The following SLC16A14 variants were observed in gnomAD, a reference collection of about 807,000 sequenced individuals.
SLC16A14 encodes the protein solute carrier family 16 member 14.
SLC16A14 carries 14 observed loss-of-function variants against 35.8 expected under a neutral mutation model. The observed-to-expected ratio is 0.39, with a 90% confidence interval of 0.26 to 0.61. The LOEUF is 0.61. SLC16A14 is among the 20% of genes least tolerant of loss of function. The probability of loss-of-function intolerance (pLI) is 0.51; values close to 1 mark genes in which losing one functional copy is unlikely to be tolerated. For synonymous variants in SLC16A14, 248 were observed against 258.9 expected (o/e 0.96, Z 0.40); for missense variants, 533 against 655.0 (o/e 0.81, Z 2.03).
intron 4 of SLC16A14, among the ~76,000 whole-genome samples, chr2:230,042,504 A>C (rs546179038): frequency 2.6e-5 from 4 of 152,306 alleles, no homozygotes; most frequent in Admixed American, 2.0e-4. Flanking sequence ...AAGACAAAAC[A>C]ACCCAAGCCT....
At chr2:230,063,636 A>G (rs2077768863) in intron 1 of SLC16A14, among the ~76,000 whole-genome samples, 1 of 152,226 alleles carries the variant, frequency 6.6e-6, no homozygotes, top group Non-Finnish European at 1.5e-5. Context: ...AGAGCCCTAG[A>G]CAGCTTTATT....
rs140668369 is a variant in SLC16A14 at position 230,049,865 on chromosome 2, C to T, written c.299G>A (p.Arg100His). The change falls in exon 3 of 5, where the codon CGC (arginine) becomes CAC (histidine). Residue 100 changes from arginine to histidine, a missense_variant. Coordinates refer to ENST00000295190, the MANE Select transcript of SLC16A14 (RefSeq NM_152527.5). Reference protein sequence around the residue: ...IGLFINTCGCRQTAIIGGLVN... With the variant: ...IGLFINTCGCHQTAIIGGLVN... ...GAGCCCTCCAATGATCGCAGTCTGGCGGCACCCACAGGTGTTAATGAACAA... is the reference window on the plus strand; with the variant it reads ...GAGCCCTCCAATGATCGCAGTCTGGTGGCACCCACAGGTGTTAATGAACAA... 26 of 1,613,964 alleles carry T rather than the reference C, an allele frequency of 1.6e-5. No individual in the cohort carries two copies. Among genetic ancestry groups the T allele is most frequent in the African/African-American group, 2.7e-5 (2 of 74,910 alleles).
chr2:230,061,668 G>T (rs181244584), intron 1 of SLC16A14, among the ~76,000 whole-genome samples: 22 of 152,198 alleles, frequency 1.4e-4, no homozygotes, highest in African/African-American at 5.1e-4. Flanking sequence ...TGAAGACTGC[G>T]AGGTACAAAA....
chr2:230,048,530 C>T (rs1338644852), intron 3 of SLC16A14, among the ~76,000 whole-genome samples: 2 of 152,218 alleles, frequency 1.3e-5, no homozygotes, highest in East Asian at 3.8e-4. Flanking sequence ...AACCTGTTCA[C>T]TGGGAATGAC....
At chr2:230,060,235 G>T (rs939531978) in intron 1 of SLC16A14, among the ~76,000 whole-genome samples, 1 of 152,172 alleles carries the variant, frequency 6.6e-6, no homozygotes, top group Non-Finnish European at 1.5e-5. Context: ...TGTACATAAT[G>T]AACAGCCATT....
rs756430391 is a variant in SLC16A14, at chr2:230,037,422, T to C, written c.1491A>G (p.Ile497Met). The change falls in exon 5 of 5, where the codon ATA becomes ATG. Residue 497 changes from isoleucine (I) to methionine (M), a missense_variant. By Grantham distance (10) the Ile-to-Met change is conservative (BLOSUM62 1). Coordinates refer to ENST00000295190, the MANE Select transcript of SLC16A14 (RefSeq NM_152527.5). ...CCATGTATTTTCTTCTGGATTGTTCTATAATTCGAATGCACGGCTGAATAA... is the reference window on the plus strand; with the variant it reads ...CCATGTATTTTCTTCTGGATTGTTCCATAATTCGAATGCACGGCTGAATAA... Reference protein sequence around the residue: ...FLLIQPCIRIIEQSRRKYMDG... With the variant: ...FLLIQPCIRIMEQSRRKYMDG... 2.5e-6 allele frequency: 4 copies of C among 1,612,786 alleles called. No individual in the cohort carries two copies. Among genetic ancestry groups the C allele is most frequent in the Non-Finnish European group, 3.4e-6 (4 of 1,179,722 alleles).
rs1304318852 is a variant in SLC16A14, at chr2:230,059,287, C to T, written c.66G>A (p.Leu22=). ...FEDGPKDKKT[L]KPHPNIDGGW... ...CGCCATCAATGTTTGGGTGGGGCTT[C>T]AGTGTCTTTTTGTCTTTGGGGCCAT... Residue 22 remains leucine, a synonymous_variant, in exon 2 of 5, where the codon CTG becomes CTA. Transcript: ENST00000295190. 1 of 1,613,674 alleles carries T rather than the reference C, an allele frequency of 6.2e-7. No individual in the cohort carries two copies. Among genetic ancestry groups the T allele is most frequent in the South Asian group, 1.1e-5 (1 of 91,042 alleles).
chr2:230,062,841 T>G (rs1471867658), intron 1 of SLC16A14, among the ~76,000 whole-genome samples: 1 of 152,172 alleles, frequency 6.6e-6, no homozygotes, highest in Non-Finnish European at 1.5e-5. Context: ...ATTTTTACAT[T>G]TTAAATTATT....
rs1191731806 is a variant in SLC16A14, at chr2:230,036,491, A to T, written c.*889T>A. The stretch of plus-strand genomic sequence containing the variant: ...TGGAGATGATTTAACTATTAACTTT[A>T]TTTGTCAGTTAGCAATTAGTTCTAT... On this transcript the variant is annotated 3_prime_UTR_variant, in exon 5 of 5. Coordinates refer to ENST00000295190, the MANE Select transcript of SLC16A14 (RefSeq NM_152527.5). 6.6e-6 allele frequency: 1 copy of T among 152,208 alleles called. No individual in the cohort carries two copies. Among genetic ancestry groups the T allele is most frequent in the Non-Finnish European group, 1.5e-5 (1 of 68,032 alleles). The allele number at this position is 152,208 out of a possible 1,614,324, so 9.4% of individuals were successfully genotyped here.
chr2:230,048,349 T>C (rs966689587), intron 3 of SLC16A14, among the ~76,000 whole-genome samples: 1 of 152,254 alleles, frequency 6.6e-6, no homozygotes, highest in African/African-American at 2.4e-5. Flanking sequence ...GCATTCATTG[T>C]AGCTCTGTAC....
At chr2:230,044,035 C>T (rs1285015907) in intron 4 of SLC16A14, among the ~76,000 whole-genome samples, 1 of 152,190 alleles carries the variant, frequency 6.6e-6, no homozygotes, top group Non-Finnish European at 1.5e-5. Context: ...CCCAAAACAC[C>T]GAAGTCCTAA....
intron 2 of SLC16A14, among the ~76,000 whole-genome samples, chr2:230,057,562 A>G (rs553542061): frequency 2.4e-4 from 37 of 152,258 alleles, no homozygotes; most frequent in Admixed American, 5.2e-4. Flanking sequence ...TGAGGCCAGG[A>G]GTTCGAGACC....
At chr2:230,063,290 C>CAA (rs6147218) in intron 1 of SLC16A14, among the ~76,000 whole-genome samples, 41 of 100,592 alleles carry the variant, frequency 4.1e-4, no homozygotes, top group African/African-American at 1.4e-3. Flanking sequence ...AACTCTGTCT[C>CAA]AAAAAAAAAA....
rs1333134586 is a variant in SLC16A14 at position 230,062,949 on chromosome 2, C to A, written c.-14-3583G>T. On this transcript the variant is annotated intron_variant, in intron 1 of 4. Coordinates refer to ENST00000295190, the MANE Select transcript of SLC16A14 (RefSeq NM_152527.5). ...CTTCCTCCTTCACACATCTGGCTAC[C>A]TCCCATTATCCAGATTGCTGGGAGT... 2.0e-5 allele frequency among the ~76,000 whole-genome samples: 3 copies of A among 152,212 alleles called. No individual in the cohort carries two copies. In the East Asian group the frequency reaches 5.8e-4, roughly 29 times the overall value.
intron 2 of SLC16A14, among the ~76,000 whole-genome samples, chr2:230,055,287 C>T (rs2077695871): frequency 6.6e-6 from 1 of 152,176 alleles, no homozygotes; most frequent in African/African-American, 2.4e-5. Flanking sequence ...GCTGTTACTG[C>T]GCGTTTCTGG....
At chr2:230,067,554 CTCT>C (rs2077810433) in intron 1 of SLC16A14, among the ~76,000 whole-genome samples, 2 of 148,234 alleles carry the variant, frequency 1.3e-5, no homozygotes, top group Admixed American at 6.7e-5. Flanking sequence ...CTCTCTCTCT[CTCT>C]CTCTCTCTCT....
chr2:230,059,223 G>C lies in SLC16A14; in HGVS notation c.130C>G (p.His44Asp). Reference sequence around the variant, plus strand: ...ATCTGGGAGCCCATGATGAGGATGTGCACAAAGAAAGAGGAGAGCACCATC... The same window carrying C: ...ATCTGGGAGCCCATGATGAGGATGTCCACAAAGAAAGAGGAGAGCACCATC... ...WMMVLSSFFV[H>D]ILIMGSQMAL... is the part of the protein sequence containing the mutation. The change falls in exon 2 of 5, where the codon CAC (histidine) becomes GAC (aspartate). Residue 44 changes from histidine to aspartate, a missense_variant. Physicochemically the swap from His to Asp is moderately conservative, Grantham distance 81. Coordinates refer to ENST00000295190, the MANE Select transcript of SLC16A14 (RefSeq NM_152527.5). 2 of 1,614,198 alleles carry C rather than the reference G, an allele frequency of 1.2e-6. No homozygotes were observed. Among genetic ancestry groups the C allele is most frequent in the Non-Finnish European group, 1.7e-6 (2 of 1,180,038 alleles).
intron 1 of SLC16A14, 51 bp from the exon 2 acceptor site, chr2:230,059,417 C>T (rs1285446674): frequency 1.0e-5 from 14 of 1,391,766 alleles, no homozygotes; most frequent in Admixed American, 2.3e-5. Context: ...GGAAAAATAT[C>T]TTCATCTTCT....
At chr2:230,063,779 C>T (rs2077770189) in intron 1 of SLC16A14, among the ~76,000 whole-genome samples, 1 of 152,176 alleles carries the variant, frequency 6.6e-6, no homozygotes, top group African/African-American at 2.4e-5. Flanking sequence ...TAATTTCCCG[C>T]TTCTTTCTAC....
Sources: allele counts gnomAD v4.1 joint callset (sites outside exome capture counted in the v4.1 genomes callset), GRCh38; gene constraint gnomAD v4.1.1; transcripts MANE v1.5; gene names NCBI Gene and HGNC (gene_info 2026-07-23, HGNC 2026-07-21).